Variants in DCC observed in about 807,000 individuals in gnomAD.
The protein encoded by DCC is DCC netrin 1 receptor.
Under a neutral mutation model 172.5 loss-of-function variants are expected in DCC, and 58 were observed. The observed-to-expected ratio is 0.34, with a 90% confidence interval of 0.27 to 0.42. DCC has a LOEUF of 0.42. DCC is among the 10% of genes least tolerant of loss of function. DCC has a pLI of 1.00. For synonymous variants in DCC, 709 were observed against 644.5 expected (o/e 1.10, Z -1.52); for missense variants, 1,740 against 1,791.0 (o/e 0.97, Z 0.51).
chr18:53,053,656 C>T (rs898995817), intron 5 of DCC, among the ~76,000 whole-genome samples: 1 of 152,136 alleles, frequency 6.6e-6, no homozygotes, highest in East Asian at 1.9e-4. Context: ...ATAGCCACAT[C>T]TTTTCCTCTC....
chr18:52,383,967 T>C (rs1005262948), intron 1 of DCC, among the ~76,000 whole-genome samples: 1 of 152,136 alleles, frequency 6.6e-6, no homozygotes, highest in African/African-American at 2.4e-5. Flanking sequence ...GAATTGCTTT[T>C]CTGATCACTT....
At chr18:52,614,234 G>A (rs985965015) in intron 1 of DCC, among the ~76,000 whole-genome samples, 2 of 152,122 alleles carry the variant, frequency 1.3e-5, no homozygotes, top group Non-Finnish European at 2.9e-5. Context: ...TTAGGTGGAC[G>A]AAGTGTACTA....
chr18:53,243,082 G>A (rs1754332077), intron 12 of DCC, among the ~76,000 whole-genome samples: 1 of 152,136 alleles, frequency 6.6e-6, no homozygotes, highest in African/African-American at 2.4e-5. Context: ...AAAGCTGTGA[G>A]CATTTCTGGA....
At chr18:53,195,847 C>G (rs912805000) in intron 9 of DCC, among the ~76,000 whole-genome samples, 3 of 152,122 alleles carry the variant, frequency 2.0e-5, no homozygotes, top group Non-Finnish European at 2.9e-5. Flanking sequence ...GTTTGGTTGT[C>G]CAGATAATTT....
intron 1 of DCC, among the ~76,000 whole-genome samples, chr18:52,527,675 A>T (rs2032023946): frequency 6.6e-6 from 1 of 152,200 alleles, no homozygotes; most frequent in East Asian, 1.9e-4. Flanking sequence ...TCCTGCACAA[A>T]CTATCACTAT....
chr18:52,385,030 C>T, intron 1 of DCC, among the ~76,000 whole-genome samples: 1 of 152,060 alleles, frequency 6.6e-6, no homozygotes, highest in East Asian at 1.9e-4. Context: ...ACTCAGACTT[C>T]TTGAGAACCA....
At chr18:52,750,847 T>G (rs1382341265) in intron 1 of DCC, among the ~76,000 whole-genome samples, 2 of 152,118 alleles carry the variant, frequency 1.3e-5, no homozygotes, top group Non-Finnish European at 2.9e-5. Flanking sequence ...CGAAAAGTGT[T>G]CCCATTACAG....
chr18:53,172,044 A>G (rs1461128629), intron 8 of DCC, among the ~76,000 whole-genome samples: 1 of 152,110 alleles, frequency 6.6e-6, no homozygotes, highest in Non-Finnish European at 1.5e-5. Context: ...TATATATCCA[A>G]AATAAATTAA....
At chr18:53,069,122 T>C (rs2042617326) in intron 7 of DCC, among the ~76,000 whole-genome samples, 1 of 151,954 alleles carries the variant, frequency 6.6e-6, no homozygotes, top group Non-Finnish European at 1.5e-5. Flanking sequence ...AACACCAAAG[T>C]TTTCTGACCT....
rs1348574964 is a variant in DCC, at chr18:53,157,420, C to A, written c.1326C>A (p.Ser442Arg). Residue 442 changes from serine to arginine, a missense_variant, in exon 8 of 29, where the codon AGC (serine) becomes AGA (arginine). By Grantham distance (110) the Ser-to-Arg change is moderately radical. Around this residue, in one of 2 missense-constraint regions of DCC, gnomAD observed 1,732 missense variants for 1,767.4 expected, o/e 0.98. Transcript: ENST00000442544. The stretch of plus-strand genomic sequence containing the variant: ...ATGTGGTCCCTGTCTTGGTTTCCAG[C>A]CGATTTGTCCGTCTCAGCTGGCGCC... The part of the protein sequence containing the change: ...PRDVVPVLVS[S>R]RFVRLSWRPP... 6.2e-7 allele frequency: 1 copy of A among 1,614,140 alleles called. No individual in the cohort carries two copies. The highest frequency in any genetic ancestry group is 8.5e-7 in the Non-Finnish European group (1 of 1,180,000).
At chr18:52,351,894 G>C (rs1984138886) in intron 1 of DCC, among the ~76,000 whole-genome samples, 1 of 152,094 alleles carries the variant, frequency 6.6e-6, no homozygotes, top group Non-Finnish European at 1.5e-5. Context: ...CATGTCACCG[G>C]ACCTGGAACT....
chr18:52,655,066 C>T (rs1008586605), intron 1 of DCC, among the ~76,000 whole-genome samples: 1 of 152,072 alleles, frequency 6.6e-6, no homozygotes, highest in African/African-American at 2.4e-5. Flanking sequence ...GAAACTGCAC[C>T]TTTTTACATT....
intron 9 of DCC, among the ~76,000 whole-genome samples, chr18:53,200,193 T>G (rs1401605267): frequency 6.6e-6 from 1 of 152,156 alleles, no homozygotes; most frequent in Non-Finnish European, 1.5e-5. Context: ...CCAATAGTAA[T>G]TAAGCTACGT....
chr18:52,778,111 C>G (rs757710257), intron 2 of DCC, among the ~76,000 whole-genome samples: 6 of 152,116 alleles, frequency 3.9e-5, no homozygotes, highest in African/African-American at 1.4e-4. Context: ...AGCTATCATA[C>G]TAAGAAGTCA....
At chr18:52,481,516 A>G (rs1322711955) in intron 1 of DCC, among the ~76,000 whole-genome samples, 2 of 152,144 alleles carry the variant, frequency 1.3e-5, no homozygotes, top group Non-Finnish European at 2.9e-5. Context: ...GCAAAGACTC[A>G]ACACCAAAAA....
intron 2 of DCC, among the ~76,000 whole-genome samples, chr18:52,810,493 G>A (rs1371314525): frequency 1.3e-5 from 2 of 152,154 alleles, no homozygotes; most frequent in African/African-American, 2.4e-5. Context: ...ACGGTGAGGA[G>A]GGCAAAGAAG....
At chr18:53,448,032 T>C (rs1912724709) in intron 22 of DCC, among the ~76,000 whole-genome samples, 3 of 150,470 alleles carry the variant, frequency 2.0e-5, no homozygotes, top group South Asian at 4.2e-4. Flanking sequence ...CTATAATTTA[T>C]TTAAATTTTG....
At chr18:53,301,018 T>C (rs1450177297) in intron 12 of DCC, among the ~76,000 whole-genome samples, 1 of 141,442 alleles carries the variant, frequency 7.1e-6, no homozygotes, top group Non-Finnish European at 1.5e-5. Context: ...CTTTTCACTC[T>C]TTCTTTTCTT....
In DCC at chr18:53,499,514, A is replaced by C; in HGVS notation, c.4111+4A>C. The stretch of plus-strand genomic sequence containing the variant: ...ACACCACTTTTGTCTCAGCCAGGTA[A>C]AGTACTCGGTTGTTCACCTTTAAAA... On this transcript the variant is annotated splice_donor_region_variant and intron_variant, in intron 27 of 28. Transcript: ENST00000442544. 1 of 1,610,122 alleles carries C rather than the reference A, an allele frequency of 6.2e-7. No individual in the cohort carries two copies. The highest frequency in any genetic ancestry group is 8.5e-7 in the Non-Finnish European group (1 of 1,176,368).
Sources: allele counts gnomAD v4.1 joint callset (sites outside exome capture counted in the v4.1 genomes callset), GRCh38; gene constraint gnomAD v4.1.1; regional missense constraint gnomAD v4.1.1; transcripts MANE v1.5; gene names NCBI Gene and HGNC (gene_info 2026-07-23, HGNC 2026-07-21).